RNFT2: variants seen among roughly 807,000 people sequenced by gnomAD.
The protein encoded by RNFT2 is E3 ubiquitin-protein ligase RNFT2.
Under a neutral mutation model 53.0 loss-of-function variants are expected in RNFT2, and 36 were observed. That is an observed-to-expected ratio of 0.68 (90% CI 0.52 to 0.90). The LOEUF is 0.90. Ranked by LOEUF, RNFT2 falls within the 40% of genes least tolerant of loss-of-function variation. The pLI is 0.00. For missense variants in RNFT2, 514 were observed against 585.6 expected (o/e 0.88, Z 1.26); for synonymous variants, 260 against 253.2 (o/e 1.03, Z -0.26).
chr12:116,750,838 A>G (rs1359716585), intron 4 of RNFT2, among the ~76,000 whole-genome samples: 3 of 13,932 alleles, frequency 2.2e-4, no homozygotes, highest in African/African-American at 9.7e-4. Flanking sequence ...TAATATATAT[A>G]TTATATATAT....
chr12:116,750,904 ATATATT>A (rs1566069621), intron 4 of RNFT2, among the ~76,000 whole-genome samples: 23 of 41,622 alleles, frequency 5.5e-4, no homozygotes, highest in South Asian at 1.3e-3. Flanking sequence ...ATATATATAT[ATATATT>A]TTTTTTTGAG....
chr12:116,796,901 G>A (rs1020864894), intron 7 of RNFT2, among the ~76,000 whole-genome samples: 3 of 152,228 alleles, frequency 2.0e-5, no homozygotes, highest in Admixed American at 1.3e-4. Flanking sequence ...GGGGCTGGAA[G>A]AAGGTTAAGT....
Position 116,852,114 on chromosome 12 carries a change from C to A in RNFT2, c.*2666C>A. The A allele has an allele frequency of 3.0e-6, 3 of 1,000,996 alleles. No homozygotes were observed. The highest frequency in any genetic ancestry group is 4.2e-6 in the Non-Finnish European group (3 of 713,788). 62.0% of individuals were successfully genotyped at this position (1,000,996 alleles called of 1,614,324 possible). On this transcript the variant is annotated 3_prime_UTR_variant, in exon 11 of 11. Coordinates refer to ENST00000257575, the MANE Select transcript of RNFT2 (RefSeq NM_001382266.1). ...TGGCATGAGATGGCACAGGTGACCA[C>A]GCAGAAGCCACCAGAATCTTGCCTG...
intron 7 of RNFT2, among the ~76,000 whole-genome samples, chr12:116,783,798 T>G (rs1873813421): frequency 6.6e-6 from 1 of 152,210 alleles, no homozygotes; most frequent in Non-Finnish European, 1.5e-5. Context: ...GAGTGCTAAG[T>G]GACACTTGAG....
intron 10 of RNFT2, among the ~76,000 whole-genome samples, chr12:116,841,904 T>TAA (rs1877337177): frequency 4.0e-4 from 16 of 39,522 alleles, no homozygotes; most frequent in Admixed American, 1.5e-3. Flanking sequence ...AATATATATA[T>TAA]ATAAATATAT....
At chr12:116,760,398 C>T (rs1394282954) in intron 5 of RNFT2, among the ~76,000 whole-genome samples, 5 of 152,222 alleles carry the variant, frequency 3.3e-5, no homozygotes, top group Non-Finnish European at 5.9e-5. Flanking sequence ...TTACACAGTT[C>T]AGCTAGAGAT....
chr12:116,848,673 G>A (rs959584676), intron 10 of RNFT2, among the ~76,000 whole-genome samples: 2 of 152,078 alleles, frequency 1.3e-5, no homozygotes, highest in South Asian at 4.1e-4. Flanking sequence ...TGCTAGAAGT[G>A]CTTTTCCCCA....
At chr12:116,787,989 G>T (rs1017965351) in intron 7 of RNFT2, among the ~76,000 whole-genome samples, 2 of 152,118 alleles carry the variant, frequency 1.3e-5, no homozygotes, top group Non-Finnish European at 2.9e-5. Context: ...GTGCAATGGC[G>T]CAATCTCGGC....
At chr12:116,836,682 T>C (rs1025597586) in intron 10 of RNFT2, among the ~76,000 whole-genome samples, 1 of 152,068 alleles carries the variant, frequency 6.6e-6, no homozygotes, top group African/African-American at 2.4e-5. Flanking sequence ...CCCAGCATTT[T>C]GGAAGGCCGA....
At chr12:116,834,181 C>T (rs1876839818) in intron 8 of RNFT2, among the ~76,000 whole-genome samples, 1 of 152,100 alleles carries the variant, frequency 6.6e-6, no homozygotes, top group Non-Finnish European at 1.5e-5. Flanking sequence ...TTCGGTAGCG[C>T]AGTCTCGGCT....
intron 7 of RNFT2, among the ~76,000 whole-genome samples, chr12:116,794,908 AAAGT>A (rs1183476076): frequency 6.6e-6 from 1 of 152,022 alleles, no homozygotes; most frequent in Non-Finnish European, 1.5e-5. Flanking sequence ...TGAGAATATA[AAAGT>A]GAGTAAGACA....
At chr12:116,782,763 A>G (rs1460710145) in intron 7 of RNFT2, among the ~76,000 whole-genome samples, 1 of 152,068 alleles carries the variant, frequency 6.6e-6, no homozygotes, top group Non-Finnish European at 1.5e-5. Flanking sequence ...CATGCCGAAA[A>G]TAAGTCTGAA....
chr12:116,843,512 AAAAC>A, intron 10 of RNFT2, among the ~76,000 whole-genome samples: 1 of 149,310 alleles, frequency 6.7e-6, no homozygotes, highest in African/African-American at 2.5e-5. Flanking sequence ...AAAAAAAAAA[AAAAC>A]CCCAAGAAAC....
chr12:116,772,414 C>T (rs1873243633), intron 6 of RNFT2, among the ~76,000 whole-genome samples: 2 of 152,228 alleles, frequency 1.3e-5, no homozygotes, highest in African/African-American at 2.4e-5. Flanking sequence ...TCAAGCGATT[C>T]TCCTGCCTCA....
At chr12:116,831,743 T>C (rs1876660535) in intron 7 of RNFT2, among the ~76,000 whole-genome samples, 1 of 152,094 alleles carries the variant, frequency 6.6e-6, no homozygotes, top group South Asian at 2.1e-4. Flanking sequence ...TTAAATACAG[T>C]AAACTGCACA....
intron 7 of RNFT2, among the ~76,000 whole-genome samples, chr12:116,831,188 C>T (rs1320189625): frequency 4.1e-5 from 4 of 97,082 alleles, no homozygotes; most frequent in African/African-American, 6.2e-5. Context: ...AGCATGACCT[C>T]GTCTCTCTAC....
At chr12:116,799,860 C>G (rs574010769) in intron 7 of RNFT2, among the ~76,000 whole-genome samples, 1 of 152,224 alleles carries the variant, frequency 6.6e-6, no homozygotes, top group Admixed American at 6.5e-5. Context: ...ATGTTTGTCC[C>G]CTCCAAATCT....
chr12:116,852,434 C>A lies in RNFT2; in HGVS notation c.*2986C>A. 7.2e-7 allele frequency: 1 copy of A among 1,398,596 alleles called. No individual in the cohort carries two copies. Among genetic ancestry groups the A allele is most frequent in the South Asian group, 1.5e-5 (1 of 65,352 alleles). The allele number at this position is 1,398,596 out of a possible 1,614,324, so 86.6% of individuals were successfully genotyped here. A position where few individuals can be genotyped will look rare whatever the true frequency, so the allele number is the denominator to read the frequency against. ...CTGGTACCCAGCAAGACGTCTGTTCCAGGGCAGTGTAGCATCTTTCAAGCT... is the reference window on the plus strand; with the variant it reads ...CTGGTACCCAGCAAGACGTCTGTTCAAGGGCAGTGTAGCATCTTTCAAGCT... On this transcript the variant is annotated 3_prime_UTR_variant, in exon 11 of 11. Coordinates refer to ENST00000257575, the MANE Select transcript of RNFT2 (RefSeq NM_001382266.1).
Position 116,787,958 on chromosome 12 carries a change from G to A in RNFT2, c.882+8610G>A, listed in dbSNP as rs371479863. Among the ~76,000 whole-genome samples, 6 of 152,028 alleles carry A rather than the reference G, an allele frequency of 3.9e-5. No individual in the cohort carries two copies. The East Asian group carries it at 5.8e-4, about 15-fold the overall frequency. ...TTTGTTTGTTTTGAGATGGAGTGTC[G>A]CTCTTGTTGCCCAGGCTGGAGTGCA... On this transcript the variant is annotated intron_variant, in intron 7 of 10. Coordinates refer to ENST00000257575, the MANE Select transcript of RNFT2 (RefSeq NM_001382266.1).
Sources: allele counts gnomAD v4.1 joint callset (sites outside exome capture counted in the v4.1 genomes callset), GRCh38; gene constraint gnomAD v4.1.1; transcripts MANE v1.5; gene names NCBI Gene and HGNC (gene_info 2026-07-23, HGNC 2026-07-21).